Variants in DGKD observed in about 807,000 individuals in gnomAD.
DGKD encodes DAG kinase delta.
A neutral mutation model predicts 154.4 loss-of-function variants in DGKD; 68 were observed. That is an observed-to-expected ratio of 0.44 (90% confidence interval 0.36 to 0.54). The LOEUF is 0.54. Among genes scored for constraint, DGKD ranks in the 20% least tolerant of loss-of-function variants. The pLI, the probability that DGKD is intolerant of heterozygous loss-of-function variation, is 0.00. For synonymous variants in DGKD, 693 were observed against 638.0 expected (o/e 1.09, Z -1.30); for missense variants, 1,343 against 1,593.6 (o/e 0.84, Z 2.68).
intron 3 of DGKD, among the ~76,000 whole-genome samples, chr2:233,403,816 AT>A (rs1446643915): frequency 6.6e-6 from 1 of 151,580 alleles, no homozygotes; most frequent in Non-Finnish European, 1.5e-5. Flanking sequence ...ATTTTTTTGT[AT>A]TTTTAGTAGA....
intron 3 of DGKD, among the ~76,000 whole-genome samples, chr2:233,427,174 G>A (rs974403618): frequency 6.6e-6 from 1 of 151,772 alleles, no homozygotes; most frequent in African/African-American, 2.4e-5. Context: ...CAGTCATCAA[G>A]CATCAAGATC....
intron 1 of DGKD, among the ~76,000 whole-genome samples, chr2:233,386,628 C>T (rs559987808): frequency 6.6e-6 from 1 of 152,234 alleles, no homozygotes; most frequent in African/African-American, 2.4e-5. Flanking sequence ...ATGTTGGGCT[C>T]CTCTCTTTTT....
At position 233,459,721 on chromosome 2, in the gene DGKD, G is replaced by A; in HGVS notation, c.2695-36G>A. ...GCACTTTTAAACCCCTGGGGGTTTT[G>A]GCTCAGCATGAGTAATGGCTATGAT... On this transcript the variant is annotated intron_variant, in intron 22 of 29. Transcript: ENST00000264057. The surrounding 1 kb of genome is among the most constrained non-coding windows in gnomAD (Gnocchi z 5.7). 6.2e-7 allele frequency: 1 copy of A among 1,605,030 alleles called. No homozygotes were observed. The highest frequency in any genetic ancestry group is 8.5e-7 in the Non-Finnish European group (1 of 1,174,686).
At position 233,471,730 on chromosome 2, in the gene DGKD, A is replaced by C. The variant is rs926404002; in HGVS notation, c.*2270A>C. ...ATTTTTCTAATTCTAACAAGTTAGA[A>C]TGTGAGGAAGGAATGAACATGAGTG... On this transcript the variant is annotated 3_prime_UTR_variant, in exon 30 of 30. Coordinates refer to ENST00000264057, the MANE Select transcript of DGKD (RefSeq NM_152879.3). The C allele has an allele frequency of 6.6e-6, 1 of 152,352 alleles. No homozygotes were observed. The highest frequency in any genetic ancestry group is 2.4e-5 in the African/African-American group (1 of 41,464). The allele number at this position is 152,352 out of a possible 1,614,324, so 9.4% of individuals were successfully genotyped here.
At chr2:233,356,099 C>G (rs1003758382) in intron 1 of DGKD, among the ~76,000 whole-genome samples, 1 of 152,204 alleles carries the variant, frequency 6.6e-6, no homozygotes, top group African/African-American at 2.4e-5. Context: ...GGGCAGAGAC[C>G]TGCCCTGGGG....
chr2:233,395,396 T>G (rs1703940316), intron 3 of DGKD, among the ~76,000 whole-genome samples: 1 of 152,132 alleles, frequency 6.6e-6, no homozygotes, highest in South Asian at 2.1e-4. Flanking sequence ...TCTTGAACTT[T>G]GGGGTGCAAG....
intron 18 of DGKD, among the ~76,000 whole-genome samples, chr2:233,453,798 A>G (rs2063366037): frequency 6.6e-6 from 1 of 152,040 alleles, no homozygotes; most frequent in African/African-American, 2.4e-5. Context: ...GAGCTGCAGG[A>G]GCAGGACTTC....
rs2063031342 is a variant in DGKD, at chr2:233,445,372, G to A, written c.1195-251G>A. On this transcript the variant is annotated intron_variant, in intron 10 of 29. Transcript: ENST00000264057. This position sits in a 1 kb window ranked among gnomAD's most constrained non-coding sequence, Gnocchi z 5.5. Reference sequence around the variant, plus strand: ...GTGATGACAGCTGAGAGATGGACCTGTGGCTCATCCATTTCTCCCAGAAGC... The same window carrying A: ...GTGATGACAGCTGAGAGATGGACCTATGGCTCATCCATTTCTCCCAGAAGC... Among the ~76,000 whole-genome samples, 1 of 152,156 alleles carries A rather than the reference G, an allele frequency of 6.6e-6. No individual in the cohort carries two copies. The highest frequency in any genetic ancestry group is 2.1e-4 in the South Asian group (1 of 4,818).
chr2:233,463,971 C>A, intron 26 of DGKD, 193 bp from the exon 27 acceptor site: 1 of 665,942 alleles, frequency 1.5e-6, no homozygotes. Flanking sequence ...GTTTTATTCT[C>A]TCACCAGCAC....
intron 1 of DGKD, among the ~76,000 whole-genome samples, chr2:233,362,725 C>G (rs748356791): frequency 8.5e-5 from 13 of 152,158 alleles, no homozygotes; most frequent in Non-Finnish European, 1.6e-4. Context: ...TGAACAGATT[C>G]GATAGCCGTA....
intron 19 of DGKD, among the ~76,000 whole-genome samples, chr2:233,456,383 A>G (rs534632386): frequency 6.6e-6 from 1 of 152,374 alleles, no homozygotes; most frequent in East Asian, 1.9e-4. Flanking sequence ...TAGGTCGTGA[A>G]ACTGTAAACA....
intron 1 of DGKD, among the ~76,000 whole-genome samples, chr2:233,376,108 T>A (rs1702562631): frequency 6.6e-6 from 1 of 152,198 alleles, no homozygotes; most frequent in Admixed American, 6.5e-5. Context: ...CGCATGTGTG[T>A]ATTTTGGGAT....
Position 233,440,365 on chromosome 2 carries a change from T to C in DGKD, c.1086-1522T>C, listed in dbSNP as rs2062845083. Reference sequence around the variant, plus strand: ...CTGTCTTCTGAGCACTCATTCTGGGTCAGACACTGAGCTCGAGGCAGGGTG... The same window carrying C: ...CTGTCTTCTGAGCACTCATTCTGGGCCAGACACTGAGCTCGAGGCAGGGTG... On this transcript the variant is annotated intron_variant, in intron 9 of 29. Coordinates refer to ENST00000264057, the MANE Select transcript of DGKD (RefSeq NM_152879.3). The surrounding 1 kb of genome is among the most constrained non-coding windows in gnomAD (Gnocchi z 4.9). Among the ~76,000 whole-genome samples, 1 of 152,062 alleles carries C rather than the reference T, an allele frequency of 6.6e-6. No individual in the cohort carries two copies.
chr2:233,395,018 A>G (rs879308841), intron 3 of DGKD, among the ~76,000 whole-genome samples: 8 of 152,110 alleles, frequency 5.3e-5, no homozygotes, highest in Non-Finnish European at 1.0e-4. Flanking sequence ...TAATTCTTGT[A>G]AACAGTATGT....
intron 1 of DGKD, among the ~76,000 whole-genome samples, chr2:233,374,865 T>C (rs1266262798): frequency 2.0e-5 from 3 of 149,710 alleles, no homozygotes; most frequent in African/African-American, 7.4e-5. Flanking sequence ...TACTTTACTA[T>C]GCTATGTTGC....
chr2:233,443,875 C>T (rs570868375), intron 10 of DGKD, among the ~76,000 whole-genome samples: 1 of 152,344 alleles, frequency 6.6e-6, no homozygotes, highest in South Asian at 2.1e-4. Context: ...TCCCCTGCGT[C>T]TCTTTGACAC....
rs760475646 is a variant in DGKD at position 233,467,130 on chromosome 2, C to A, written c.3351C>A (p.Phe1117Leu). ...DLAKRSRSGK[F>L]RLVTKFKKEK... ...CCAAGCGCAGTCGCAGTGGTAAATTCCGCCTCGTGACCAAGTTTAAAAAGG... is the reference window on the plus strand; with the variant it reads ...CCAAGCGCAGTCGCAGTGGTAAATTACGCCTCGTGACCAAGTTTAAAAAGG... The change falls in exon 28 of 30, where the codon TTC (phenylalanine) becomes TTA (leucine). Residue 1117 changes from phenylalanine (F) to leucine (L), a missense_variant. By Grantham distance (22) the Phe-to-Leu change is conservative. This residue lies in a region of DGKD where 429 missense variants were observed against 496.3 expected (regional missense o/e 0.86). Coordinates refer to ENST00000264057, the MANE Select transcript of DGKD (RefSeq NM_152879.3). 4 of 1,614,222 alleles carry A rather than the reference C, an allele frequency of 2.5e-6. No homozygotes were observed. In the South Asian group the frequency reaches 4.4e-5, roughly 18 times the overall value.
chr2:233,449,765 T>TTCC lies in DGKD; in HGVS notation c.1889-216_1889-214dup, dbSNP rs1434874747. 2.0e-5 allele frequency among the ~76,000 whole-genome samples: 3 copies of TTCC among 151,962 alleles called. No homozygotes were observed. The highest frequency in any genetic ancestry group is 2.0e-4 in the Admixed American group (3 of 15,270). On this transcript the variant is annotated intron_variant, in intron 15 of 29. Transcript: ENST00000264057. This position sits in a 1 kb window ranked among gnomAD's most constrained non-coding sequence, Gnocchi z 5.3. ...CATCCCTTGCCTTCCCCTGCAAGGG[T>TTCC]TCCAGACCTCCCAGCCTGTTAGCAG...
intron 4 of DGKD, 38 bp downstream of exon 4, chr2:233,434,522 T>G: frequency 6.3e-7 from 1 of 1,582,116 alleles, no homozygotes; most frequent in Non-Finnish European, 8.7e-7. Context: ...ATGCCTCCTG[T>G]TGCCTCCCTC....
Sources: allele counts gnomAD v4.1 joint callset (sites outside exome capture counted in the v4.1 genomes callset), GRCh38; gene constraint gnomAD v4.1.1; regional missense constraint gnomAD v4.1.1; non-coding constraint Gnocchi (gnomAD v3.1); transcripts MANE v1.5; gene names NCBI Gene and HGNC (gene_info 2026-07-23, HGNC 2026-07-21).